Variants in GDI2 observed in about 807,000 individuals in gnomAD.
GDI2 encodes the protein GDP dissociation inhibitor 2.
Under a neutral mutation model 54.2 loss-of-function variants are expected in GDI2, and 22 were observed. The ratio of observed to expected loss-of-function variants is 0.41; its 90% CI spans 0.29 to 0.58. The LOEUF is 0.58. Among genes scored for constraint, GDI2 ranks in the 20% least tolerant of loss-of-function variants. The probability of loss-of-function intolerance (pLI) is 0.35; values close to 1 mark genes in which losing one functional copy is unlikely to be tolerated. For missense variants in GDI2, 422 were observed against 546.0 expected, an observed-to-expected ratio of 0.77 and a Z score of 2.26; for synonymous variants, 177 against 182.1, an observed-to-expected ratio of 0.97 and a Z score of 0.23.
intron 6 of GDI2, among the ~76,000 whole-genome samples, chr10:5,775,127 C>T (rs1051154593): frequency 3.3e-5 from 5 of 152,086 alleles, no homozygotes; most frequent in Non-Finnish European, 7.4e-5. Context: ...GTTTCTACAA[C>T]AAATAGAAAA....
chr10:5,785,905 A>C lies in GDI2; in HGVS notation c.534T>G (p.Gly178=), dbSNP rs768403827. The change falls in exon 5 of 11, where the codon GGT becomes GGG. Residue 178 remains glycine (G), a synonymous_variant. Transcript: ENST00000380191. The part of the protein sequence containing the change: ...MRDVYKKFDL[G]QDVIDFTGHA... ...GACCAGTAAAATCTATAACGTCTTG[A>C]CCCAAATCAAATTTCTTATACACAT... 106 of 1,611,968 alleles carry C rather than the reference A, an allele frequency of 6.6e-5. No individual in the cohort carries two copies. The highest frequency in any genetic ancestry group is 8.9e-5 in the Non-Finnish European group (105 of 1,178,168).
intron 1 of GDI2, among the ~76,000 whole-genome samples, chr10:5,803,683 T>G (rs1302507405): frequency 6.6e-6 from 1 of 152,020 alleles, no homozygotes; most frequent in Non-Finnish European, 1.5e-5. Flanking sequence ...AACCGAAAAG[T>G]ATAAATGACC....
chr10:5,800,574 G>A lies in GDI2; in HGVS notation c.153+24C>T, dbSNP rs79615188. 3,336 of 992,136 alleles carry A rather than the reference G, an allele frequency of 3.4e-3. 69 individuals carry two copies. In the African/African-American group the frequency reaches 0.048, roughly 14 times the overall value. The allele number at this position is 992,136 out of a possible 1,614,324, so 61.5% of individuals were successfully genotyped here. On this transcript the variant is annotated intron_variant, in intron 2 of 10. Coordinates refer to ENST00000380191, the MANE Select transcript of GDI2 (RefSeq NM_001494.4). ...GAAATACTCACAAAGTGTGAGAGGC[G>A]TATGAAATTTGACTAACACTTACAT...
In GDI2 at chr10:5,774,641, C is replaced by A. The variant is rs1194225984; in HGVS notation, c.720-700G>T. ...GATGGATGGCTCTTCGGGGTCCACA[C>A]TGAGCAGACCTGAGACACTAATGGC... On this transcript the variant is annotated intron_variant, in intron 6 of 10. Coordinates refer to ENST00000380191, the MANE Select transcript of GDI2 (RefSeq NM_001494.4). The surrounding 1 kb of genome is among the most constrained non-coding windows in gnomAD (Gnocchi z 4.8). 6.6e-6 allele frequency among the ~76,000 whole-genome samples: 1 copy of A among 152,176 alleles called. No homozygotes were observed. The highest frequency in any genetic ancestry group is 1.9e-4 in the East Asian group (1 of 5,194).
At chr10:5,787,926 TC>T (rs1219579866) in intron 4 of GDI2, among the ~76,000 whole-genome samples, 1 of 152,188 alleles carries the variant, frequency 6.6e-6, no homozygotes, top group Non-Finnish European at 1.5e-5. Flanking sequence ...TCCTTTATTT[TC>T]CTCCATTACC....
rs545897360 is a variant in GDI2, at chr10:5,767,254, G to A, written c.992-616C>T. Reference sequence around the variant, plus strand: ...TCAGACTTGCAAGGACCCAGGACCCGCCTGGGAACCTTGTGGAAGATTAAG... The same window carrying A: ...TCAGACTTGCAAGGACCCAGGACCCACCTGGGAACCTTGTGGAAGATTAAG... On this transcript the variant is annotated intron_variant, in intron 8 of 10. Transcript: ENST00000380191. Among the ~76,000 whole-genome samples, 7 of 150,926 alleles carry A rather than the reference G, an allele frequency of 4.6e-5. No individual in the cohort carries two copies. The South Asian group carries it at 1.5e-3, about 32-fold the overall frequency.
intron 4 of GDI2, among the ~76,000 whole-genome samples, chr10:5,792,959 CAAAAAA>C (rs34475268): frequency 1.1e-5 from 1 of 92,010 alleles, no homozygotes; most frequent in African/African-American, 3.8e-5. Context: ...GACCTTTGTC[CAAAAAA>C]AAAAAAAAAA....
chr10:5,782,770 C>T (rs1840788496), intron 6 of GDI2, among the ~76,000 whole-genome samples: 1 of 152,158 alleles, frequency 6.6e-6, no homozygotes, highest in Admixed American at 6.5e-5. Context: ...CCCATCACTA[C>T]TAAATATAAA....
At chr10:5,769,170 A>G (rs758541692) in intron 7 of GDI2, 1 of 152,198 alleles carries the variant, frequency 6.6e-6, no homozygotes, top group Non-Finnish European at 1.5e-5. Flanking sequence ...ACACTAATCA[A>G]GAGTTGAGGC....
At chr10:5,803,050 C>T (rs1320066452) in intron 1 of GDI2, among the ~76,000 whole-genome samples, 1 of 152,188 alleles carries the variant, frequency 6.6e-6, no homozygotes, top group Non-Finnish European at 1.5e-5. Flanking sequence ...TATACTTCAG[C>T]CTAGACAATA....
At chr10:5,778,742 TTTGA>T (rs1840683385) in intron 6 of GDI2, among the ~76,000 whole-genome samples, 1 of 152,226 alleles carries the variant, frequency 6.6e-6, no homozygotes, top group Non-Finnish European at 1.5e-5. Flanking sequence ...GTTGGCAGTA[TTTGA>T]TTGTAAGAAA....
chr10:5,798,928 T>C (rs1288584508), intron 2 of GDI2, among the ~76,000 whole-genome samples: 1 of 151,784 alleles, frequency 6.6e-6, no homozygotes, highest in Non-Finnish European at 1.5e-5. Flanking sequence ...GAGCCGAGAC[T>C]GCACCACTAC....
chr10:5,767,078 T>C (rs1840357633), intron 8 of GDI2, among the ~76,000 whole-genome samples: 1 of 152,228 alleles, frequency 6.6e-6, no homozygotes, highest in Non-Finnish European at 1.5e-5. Context: ...TAAACCACTT[T>C]TGAGTTGGCA....
intron 6 of GDI2, among the ~76,000 whole-genome samples, chr10:5,780,734 A>T (rs1307858425): frequency 6.6e-6 from 1 of 152,222 alleles, no homozygotes; most frequent in Non-Finnish European, 1.5e-5. Context: ...AGATCTCTAC[A>T]GTGAAAGCTG....
chr10:5,782,866 G>A (rs916837365), intron 6 of GDI2, among the ~76,000 whole-genome samples: 9 of 152,194 alleles, frequency 5.9e-5, no homozygotes, highest in African/African-American at 2.2e-4. Flanking sequence ...CCAGGGGGTG[G>A]AGGTTGCAGT....
Position 5,766,284 on chromosome 10 carries a change from A to T in GDI2, c.1148T>A (p.Ile383Asn). Residue 383 changes from isoleucine to asparagine, a missense_variant, in exon 10 of 11, where the codon ATC becomes AAC. Ile to Asn is a moderately radical substitution (Grantham distance 149, BLOSUM62 -3). Coordinates refer to ENST00000380191, the MANE Select transcript of GDI2 (RefSeq NM_001494.4). The surrounding 1 kb of genome is among the most constrained non-coding windows in gnomAD (Gnocchi z 5.8). ...LEPIEQKFVS[I>N]SDLLVPKDLG... Reference sequence around the variant, plus strand: ...GTCTTTTGGTACCAGGAGGTCACTGATGCTAACAAATCTGGAGGGAGAGAG... The same window carrying T: ...GTCTTTTGGTACCAGGAGGTCACTGTTGCTAACAAATCTGGAGGGAGAGAG... 1 of 1,613,100 alleles carries T rather than the reference A, an allele frequency of 6.2e-7. No homozygotes were observed. Among genetic ancestry groups the T allele is most frequent in the South Asian group, 1.1e-5 (1 of 91,066 alleles).
intron 1 of GDI2, among the ~76,000 whole-genome samples, chr10:5,807,516 G>C (rs549379231): frequency 6.6e-6 from 1 of 152,110 alleles, no homozygotes; most frequent in Non-Finnish European, 1.5e-5. Flanking sequence ...ACCTACAAAT[G>C]ACCTAAGCAG....
At chr10:5,806,027 A>T (rs528038938) in intron 1 of GDI2, among the ~76,000 whole-genome samples, 7 of 152,298 alleles carry the variant, frequency 4.6e-5, no homozygotes, top group African/African-American at 1.7e-4. Flanking sequence ...ACATTCTCGC[A>T]TGTGTCTTCT....
chr10:5,811,680 A>C (rs1841481934), intron 1 of GDI2, among the ~76,000 whole-genome samples: 1 of 152,018 alleles, frequency 6.6e-6, no homozygotes, highest in Non-Finnish European at 1.5e-5. Context: ...AAAAAAGCAC[A>C]AAACCTGCAG....
Sources: allele counts gnomAD v4.1 joint callset (sites outside exome capture counted in the v4.1 genomes callset), GRCh38; gene constraint gnomAD v4.1.1; non-coding constraint Gnocchi (gnomAD v3.1); transcripts MANE v1.5; gene names NCBI Gene and HGNC (gene_info 2026-07-23, HGNC 2026-07-21).